Variants in ATP8B4 observed in about 807,000 individuals in gnomAD.
The protein encoded by ATP8B4 is ATPase phospholipid transporting 8B4 (putative).
A neutral mutation model predicts 145.6 loss-of-function variants in ATP8B4; 133 were observed. The observed-to-expected ratio is 0.91, with a 90% CI of 0.79 to 1.05. The LOEUF (loss-of-function observed/expected upper bound fraction) is 1.05. Among genes scored for constraint, ATP8B4 ranks in the 50% least tolerant of loss-of-function variants. The pLI is 0.00. For synonymous variants in ATP8B4, 507 were observed against 492.9 expected, an observed-to-expected ratio of 1.03 and a Z score of -0.38; for missense variants, 1,458 against 1,425.2, an observed-to-expected ratio of 1.02 and a Z score of -0.37.
At chr15:50,117,046 TTTTA>T (rs1036275351) in intron 1 of ATP8B4, among the ~76,000 whole-genome samples, 5 of 151,792 alleles carry the variant, frequency 3.3e-5, no homozygotes. Context: ...GTTTTTTATT[TTTTA>T]TTTATTTATT....
intron 1 of ATP8B4, among the ~76,000 whole-genome samples, chr15:50,181,695 T>G (rs1352766706): frequency 4.6e-5 from 7 of 152,268 alleles, no homozygotes; most frequent in East Asian, 1.9e-4. Flanking sequence ...CCTTGAAGCC[T>G]TCGCTACAGG....
rs114897082 is a variant in ATP8B4, at chr15:49,876,368, G to C, written c.2937C>G (p.Asn979Lys). 6.2e-7 allele frequency: 1 copy of C among 1,613,980 alleles called. No homozygotes were observed. Among genetic ancestry groups the C allele is most frequent in the African/African-American group, 1.3e-5 (1 of 74,928 alleles). ...TATGTTGCCCATCTTCTCCAGCCAC[G>C]TTGTAAAAGGCCCCATAGGGGATGA... The part of the protein sequence containing the change: ...LFFIPYGAFY[N>K]VAGEDGQHIA... Residue 979 changes from asparagine (N) to lysine (K), a missense_variant, in exon 25 of 28, where the codon AAC becomes AAG. Physicochemically the swap from Asn to Lys is moderately conservative, Grantham distance 94. Coordinates refer to ENST00000284509, the MANE Select transcript of ATP8B4 (RefSeq NM_024837.4).
chr15:49,875,191 A>C (rs1598832550), intron 25 of ATP8B4, among the ~76,000 whole-genome samples: 1 of 152,316 alleles, frequency 6.6e-6, no homozygotes, highest in East Asian at 1.9e-4. Context: ...TATTACCCTT[A>C]CTTATAAACA....
rs144561851 is a variant in ATP8B4, at chr15:50,035,798, G to A, written c.362+2970C>T. ...TTTTCATCCCACTTTCTTCCCTTTA[G>A]GGTCCTCCTCTCCAAAGCTGACTAT... On this transcript the variant is annotated intron_variant, in intron 6 of 27. Transcript: ENST00000284509. Among the ~76,000 whole-genome samples, 345 of 152,252 alleles carry A rather than the reference G, an allele frequency of 2.3e-3. 1 individual carries two copies. The highest frequency in any genetic ancestry group is 6.1e-3 in the Admixed American group (93 of 15,294).
chr15:50,166,208 C>G (rs1002406914), intron 1 of ATP8B4, among the ~76,000 whole-genome samples: 5 of 152,082 alleles, frequency 3.3e-5, no homozygotes, highest in African/African-American at 1.2e-4. Flanking sequence ...AAGATAAAGA[C>G]TTTATCAGAA....
intron 14 of ATP8B4, among the ~76,000 whole-genome samples, chr15:49,944,355 C>T (rs531734498): frequency 1.3e-5 from 2 of 152,004 alleles, no homozygotes; most frequent in Non-Finnish European, 2.9e-5. Flanking sequence ...CACACATAGT[C>T]TAAAAGTGAA....
intron 14 of ATP8B4, among the ~76,000 whole-genome samples, chr15:49,949,593 A>G (rs2042884809): frequency 6.6e-6 from 1 of 152,184 alleles, no homozygotes; most frequent in South Asian, 2.1e-4. Context: ...TTTTCTAAAT[A>G]TAAAATCATA....
intron 20 of ATP8B4, among the ~76,000 whole-genome samples, chr15:49,904,379 G>C (rs141182335): frequency 1.3e-4 from 20 of 152,198 alleles, no homozygotes; most frequent in African/African-American, 4.8e-4. Context: ...TCATGAAATG[G>C]GACCAGCCAG....
chr15:49,962,114 C>A, intron 13 of ATP8B4, 94 bp from the exon 14 acceptor site: 1 of 905,550 alleles, frequency 1.1e-6, no homozygotes, highest in Non-Finnish European at 1.7e-6. Flanking sequence ...TTTATTACAT[C>A]ACCATTACTA....
intron 1 of ATP8B4, among the ~76,000 whole-genome samples, chr15:50,117,144 G>A (rs1025521202): frequency 1.6e-4 from 25 of 152,082 alleles, no homozygotes; most frequent in African/African-American, 6.0e-4. Flanking sequence ...TCCACCACAC[G>A]GTTCAGGCGA....
chr15:50,038,514 A>G (rs1224841016), intron 6 of ATP8B4, among the ~76,000 whole-genome samples: 3 of 152,252 alleles, frequency 2.0e-5, no homozygotes, highest in African/African-American at 7.2e-5. Flanking sequence ...TAGAAATGGA[A>G]AGTGACAAAG....
intron 27 of ATP8B4, among the ~76,000 whole-genome samples, chr15:49,861,424 G>GTGTC (rs1440491813): frequency 6.5e-5 from 9 of 138,518 alleles, no homozygotes; most frequent in South Asian, 4.7e-4. Flanking sequence ...GTGTGTGTGT[G>GTGTC]TCTGTCTGTC....
intron 2 of ATP8B4, among the ~76,000 whole-genome samples, chr15:50,083,451 GA>G (rs71124318): frequency 0.18 from 27,318 of 149,126 alleles, 2,849 homozygotes; most frequent in Middle Eastern, 0.31. Context: ...TCTACTCAAA[GA>G]AAAAAAAAAT....
rs2045894621 is a variant in ATP8B4 at position 49,978,759 on chromosome 15, C to CACACACACACACAA, written c.1034+857_1034+858insTTGTGTGTGTGTGT. 4.8e-5 allele frequency among the ~76,000 whole-genome samples: 7 copies of CACACACACACACAA among 146,486 alleles called. No individual in the cohort carries two copies. The South Asian group carries it at 1.6e-3, about 34-fold the overall frequency. ...TCAAATACACACACACACACACACA[C>CACACACACACACAA]ACACACACACACACACACACACACA... On this transcript the variant is annotated intron_variant, in intron 12 of 27. Transcript: ENST00000284509.
At chr15:49,965,220 G>A (rs1036814914) in intron 13 of ATP8B4, among the ~76,000 whole-genome samples, 1 of 152,202 alleles carries the variant, frequency 6.6e-6, no homozygotes, top group Non-Finnish European at 1.5e-5. Context: ...GGTTATAGGG[G>A]TGTGGGTAAC....
rs989793743 is a variant in ATP8B4, at chr15:49,981,239, G to A, written c.804C>T (p.Ser268=). 1 of 1,610,402 alleles carries A rather than the reference G, an allele frequency of 6.2e-7. No homozygotes were observed. Among genetic ancestry groups the A allele is most frequent in the Non-Finnish European group, 8.5e-7 (1 of 1,178,484 alleles). ...CTAGAGTATTCATCAATCTATCAAT[G>A]CTTGTCCTTTTAAACTTTGTCTTAC... ...NSGKTKFKRT[S]IDRLMNTLVL... The change falls in exon 11 of 28, where the codon AGC becomes AGT. Residue 268 remains serine, a synonymous_variant. Coordinates refer to ENST00000284509, the MANE Select transcript of ATP8B4 (RefSeq NM_024837.4).
At chr15:50,101,523 A>G (rs1243606725) in intron 2 of ATP8B4, among the ~76,000 whole-genome samples, 1 of 152,144 alleles carries the variant, frequency 6.6e-6, no homozygotes, top group South Asian at 2.1e-4. Context: ...TAAAAGGACT[A>G]GTCCAAAAGG....
chr15:49,988,522 A>G (rs2046814901), intron 9 of ATP8B4, among the ~76,000 whole-genome samples: 1 of 152,150 alleles, frequency 6.6e-6, no homozygotes, highest in South Asian at 2.1e-4. Flanking sequence ...TCAGGGTTTG[A>G]GCCAGAGTCA....
At chr15:50,102,622 A>C (rs2056435291) in intron 2 of ATP8B4, among the ~76,000 whole-genome samples, 1 of 152,118 alleles carries the variant, frequency 6.6e-6, no homozygotes, top group Non-Finnish European at 1.5e-5. Context: ...AACAACAAAA[A>C]AGTCCAGGAT....
Sources: gnomAD v4.1 joint callset for allele counts (sites outside exome capture counted in the v4.1 genomes callset) on GRCh38, gnomAD v4.1.1 for gene constraint, MANE v1.5 for transcripts, NCBI Gene and HGNC (gene_info 2026-07-23, HGNC 2026-07-21) for gene names.